Variants in PPP5C observed in about 807,000 individuals in gnomAD.
PPP5C encodes serine/threonine-protein phosphatase 5.
A neutral mutation model predicts 66.7 loss-of-function variants in PPP5C; 21 were observed. That is an observed-to-expected ratio of 0.31 (90% confidence interval 0.22 to 0.45). PPP5C has a LOEUF of 0.45. Among genes scored for constraint, PPP5C ranks in the 20% least tolerant of loss-of-function variants. PPP5C has a pLI of 1.00. For synonymous variants in PPP5C, 246 were observed against 257.4 expected (o/e 0.96, Z 0.43); for missense variants, 464 against 675.9 (o/e 0.69, Z 3.48).
chr19:46,356,075 C>T (rs1035569874), intron 2 of PPP5C, among the ~76,000 whole-genome samples: 11 of 152,230 alleles, frequency 7.2e-5, no homozygotes, highest in Non-Finnish European at 1.0e-4. Context: ...CTCCCTGAGG[C>T]TGGGCTGGTT....
rs1465705214 is a variant in PPP5C at position 46,376,556 on chromosome 19, C to T, written c.615C>T (p.His205=). 1.2e-6 allele frequency: 2 copies of T among 1,613,644 alleles called. No homozygotes were observed. Among genetic ancestry groups the T allele is most frequent in the Non-Finnish European group, 1.7e-6 (2 of 1,179,852 alleles). Residue 205 remains histidine (H), a synonymous_variant, in exon 4 of 13, where the codon CAC becomes CAT. Transcript: ENST00000012443. The surrounding 1 kb of genome is among the most constrained non-coding windows in gnomAD (Gnocchi z 5.1). ...GGTACAAGGACCAGAAGAAACTGCA[C>T]CGGAAATGTGCCTACCAGGTAATGC... ...MQWYKDQKKL[H]RKCAYQILVQ...
chr19:46,373,883 A>G (rs746229363), intron 2 of PPP5C, among the ~76,000 whole-genome samples: 2 of 152,030 alleles, frequency 1.3e-5, no homozygotes, highest in Non-Finnish European at 2.9e-5. Flanking sequence ...GAGGAGCTGG[A>G]GGTGCAAATG....
chr19:46,383,570 C>A lies in PPP5C; in HGVS notation c.699+94C>A. The A allele has an allele frequency of 7.8e-7, 1 of 1,285,332 alleles. No homozygotes were observed. Among genetic ancestry groups the A allele is most frequent in the Non-Finnish European group, 1.1e-6 (1 of 925,544 alleles). 79.6% of individuals were successfully genotyped at this position (1,285,332 alleles called of 1,614,324 possible). On this transcript the variant is annotated intron_variant, in intron 5 of 12. Coordinates refer to ENST00000012443, the MANE Select transcript of PPP5C (RefSeq NM_006247.4). This position sits in a 1 kb window ranked among gnomAD's most constrained non-coding sequence, Gnocchi z 5.0. ...AGCTCAGGAACTCACGGATCCACCT[C>A]CCTCTCTCCCTCACACCCCACCCCT...
chr19:46,375,370 G>A (rs547715511), intron 2 of PPP5C, among the ~76,000 whole-genome samples: 34 of 152,338 alleles, frequency 2.2e-4, no homozygotes, highest in Middle Eastern at 3.4e-3. Flanking sequence ...TGATTTTAGC[G>A]CGCTCATAGC....
At chr19:46,379,133 A>T (rs1397113804) in intron 4 of PPP5C, among the ~76,000 whole-genome samples, 1 of 152,210 alleles carries the variant, frequency 6.6e-6, no homozygotes, top group Non-Finnish European at 1.5e-5. Flanking sequence ...AGCTCACTGC[A>T]ACCTCTGTGT....
At chr19:46,357,791 C>T (rs1972312845) in intron 2 of PPP5C, among the ~76,000 whole-genome samples, 2 of 152,166 alleles carry the variant, frequency 1.3e-5, no homozygotes, top group Admixed American at 1.3e-4. Context: ...GCAGAGCTTC[C>T]GCGCCCTCTC....
At chr19:46,379,466 G>C (rs892974786) in intron 4 of PPP5C, among the ~76,000 whole-genome samples, 1 of 152,198 alleles carries the variant, frequency 6.6e-6, no homozygotes, top group African/African-American at 2.4e-5. Flanking sequence ...GGAATTACAG[G>C]TGTCAGCCAC....
chr19:46,353,702 C>T (rs749463900), intron 1 of PPP5C, 46 bp from the exon 2 acceptor site: 17 of 1,610,032 alleles, frequency 1.1e-5, no homozygotes, highest in Middle Eastern at 3.3e-4. Flanking sequence ...GGCCTGTCCT[C>T]GCAGGGTTGG....
chr19:46,368,000 T>A (rs995125020), intron 2 of PPP5C, among the ~76,000 whole-genome samples: 2 of 151,844 alleles, frequency 1.3e-5, no homozygotes, highest in Non-Finnish European at 2.9e-5. Context: ...TGGCGGAAAA[T>A]CCCCACGTTG....
At chr19:46,357,725 A>G (rs1972311295) in intron 2 of PPP5C, among the ~76,000 whole-genome samples, 1 of 152,190 alleles carries the variant, frequency 6.6e-6, no homozygotes, top group Admixed American at 6.5e-5. Context: ...AGCTTATTAT[A>G]AAGGCTGCTA....
intron 2 of PPP5C, among the ~76,000 whole-genome samples, chr19:46,366,691 G>T (rs1972496737): frequency 6.6e-6 from 1 of 152,128 alleles, no homozygotes; most frequent in Non-Finnish European, 1.5e-5. Flanking sequence ...TTATAAAAGG[G>T]GTTTTGCAGG....
At chr19:46,351,487 C>G (rs1972182981) in intron 1 of PPP5C, among the ~76,000 whole-genome samples, 1 of 152,204 alleles carries the variant, frequency 6.6e-6, no homozygotes, top group African/African-American at 2.4e-5. Flanking sequence ...TCACGGCCAC[C>G]CAGTGAGGCA....
At chr19:46,373,183 G>A (rs1972625339) in intron 2 of PPP5C, among the ~76,000 whole-genome samples, 1 of 152,252 alleles carries the variant, frequency 6.6e-6, no homozygotes, top group Non-Finnish European at 1.5e-5. Context: ...TGCCTCCCTG[G>A]AGGGCATGCA....
chr19:46,390,201 A>G, intron 12 of PPP5C, 69 bp downstream of exon 12: 1 of 1,608,440 alleles, frequency 6.2e-7, no homozygotes, highest in Non-Finnish European at 8.5e-7. Context: ...AGACCCTGGT[A>G]AGGGGCAGGG....
chr19:46,347,135 G>GC lies in PPP5C; in HGVS notation c.46dup (p.Arg16ProfsTer7), dbSNP rs766639242. 1.4e-5 allele frequency: 23 copies of GC among 1,604,520 alleles called. No homozygotes were observed. The highest frequency in any genetic ancestry group is 3.4e-5 in the Admixed American group (2 of 58,678). On this transcript the variant is annotated frameshift_variant, in exon 1 of 13. Transcript: ENST00000012443. LOFTEE classifies it high-confidence loss of function. ...AGGGCGAGAGGACTGAGTGTGCTGA[G>GC]CCCCCCCGGGACGAACCCCCGGCTG...
rs1432369422 is a variant in PPP5C at position 46,388,443 on chromosome 19, C to T, written c.1171C>T (p.Pro391Ser). The T allele has an allele frequency of 6.2e-7, 1 of 1,612,476 alleles. No individual in the cohort carries two copies. The highest frequency in any genetic ancestry group is 8.5e-7 in the Non-Finnish European group (1 of 1,178,748). Residue 391 changes from proline to serine, a missense_variant, in exon 10 of 13, where the codon CCA (proline) becomes TCA (serine). Physicochemically the swap from Pro to Ser is moderately conservative, Grantham distance 74. Around this residue, in one of 2 missense-constraint regions of PPP5C, gnomAD observed 387 missense variants for 626.0 expected, o/e 0.62. Coordinates refer to ENST00000012443, the MANE Select transcript of PPP5C (RefSeq NM_006247.4). This position sits in a 1 kb window ranked among gnomAD's most constrained non-coding sequence, Gnocchi z 4.9. ...TGACCTGCTCTGGTCAGATCCACAGCCACAGGTGAGTCTAGGGTGGGGTGC... is the reference window on the plus strand; with the variant it reads ...TGACCTGCTCTGGTCAGATCCACAGTCACAGGTGAGTCTAGGGTGGGGTGC... ...MCDLLWSDPQ[P>S]QNGRSISKRG...
chr19:46,384,922 G>T lies in PPP5C; in HGVS notation c.904+13G>T, dbSNP rs764079384. On this transcript the variant is annotated intron_variant, in intron 7 of 12. Transcript: ENST00000012443. ...CACCTCCTTCGAGGTGAGCTGGGAA[G>T]TGACAAGGTTTGGGTTCATTGTGGG... is the stretch of plus-strand genomic sequence containing the variant. 1 of 1,603,196 alleles carries T rather than the reference G, an allele frequency of 6.2e-7. No individual in the cohort carries two copies. Among genetic ancestry groups the T allele is most frequent in the East Asian group, 2.2e-5 (1 of 44,814 alleles).
At chr19:46,384,415 A>AG in intron 6 of PPP5C, 1 of 265,216 alleles carries the variant, frequency 3.8e-6, no homozygotes, top group South Asian at 5.4e-5. Flanking sequence ...GGCCACTTGT[A>AG]GGGCCACTAG....
chr19:46,384,656 G>T, intron 6 of PPP5C, 148 bp from the exon 7 acceptor site: 1 of 631,166 alleles, frequency 1.6e-6, no homozygotes, highest in Non-Finnish European at 2.9e-6. Context: ...CTTGAGCCCT[G>T]CCAAGTCCTC....
Sources: allele counts gnomAD v4.1 joint callset (sites outside exome capture counted in the v4.1 genomes callset), GRCh38; gene constraint gnomAD v4.1.1; regional missense constraint gnomAD v4.1.1; non-coding constraint Gnocchi (gnomAD v3.1); transcripts MANE v1.5; gene names NCBI Gene and HGNC (gene_info 2026-07-23, HGNC 2026-07-21).